FBXW11: variants seen among roughly 807,000 people sequenced by gnomAD.
The protein encoded by FBXW11 is F-box and WD repeat domain containing 11.
FBXW11 carries 19 observed loss-of-function variants against 77.6 expected under a neutral mutation model. The ratio of observed to expected loss-of-function variants is 0.24; its 90% confidence interval spans 0.17 to 0.36. The LOEUF (loss-of-function observed/expected upper bound fraction) is 0.36, where lower values mean the gene tolerates loss of function less well. Among genes scored for constraint, FBXW11 ranks in the 10% least tolerant of loss-of-function variants. The pLI, the probability that FBXW11 is intolerant of heterozygous loss-of-function variation, is 1.00. For missense variants in FBXW11, 334 were observed against 704.2 expected (o/e 0.47, Z 5.95); for synonymous variants, 235 against 249.4 (o/e 0.94, Z 0.54).
chr5:171,968,444 C>A (rs1383312352), intron 1 of FBXW11, among the ~76,000 whole-genome samples: 1 of 128,728 alleles, frequency 7.8e-6, no homozygotes, highest in African/African-American at 2.8e-5. Context: ...GCGAAAGAGC[C>A]AGACTCTGTC....
At chr5:171,919,387 A>C (rs914712174) in intron 2 of FBXW11, among the ~76,000 whole-genome samples, 1 of 152,200 alleles carries the variant, frequency 6.6e-6, no homozygotes, top group African/African-American at 2.4e-5. Flanking sequence ...CACTGATGGT[A>C]TCATGACAGA....
chr5:171,973,800 C>A lies in FBXW11; in HGVS notation c.46-16102G>T, dbSNP rs531804253. ...GATTGAGAATTCTGTACAACCTACT[C>A]AATTTTTCTGTAAGTTTCTGTAAAT... is the stretch of plus-strand genomic sequence containing the variant. On this transcript the variant is annotated intron_variant, in intron 1 of 13. Transcript: ENST00000517395. Among the ~76,000 whole-genome samples the A allele has an allele frequency of 8.7e-4, 133 of 152,234 alleles. 4 individuals are homozygous for A. In the South Asian group the frequency reaches 0.026, roughly 30 times the overall value.
At chr5:171,957,315 C>T (rs542885958) in intron 2 of FBXW11, among the ~76,000 whole-genome samples, 4 of 152,032 alleles carry the variant, frequency 2.6e-5, no homozygotes, top group South Asian at 4.2e-4. Context: ...TTGGCACATG[C>T]GCAACTATTA....
chr5:171,964,995 T>C (rs555995555), intron 1 of FBXW11, among the ~76,000 whole-genome samples: 2 of 152,120 alleles, frequency 1.3e-5, no homozygotes, highest in African/African-American at 4.8e-5. Context: ...GGCTGGGATA[T>C]ATGTTAAGGG....
chr5:171,878,944 T>C (rs1412992096), intron 7 of FBXW11, among the ~76,000 whole-genome samples: 1 of 152,152 alleles, frequency 6.6e-6, no homozygotes, highest in Non-Finnish European at 1.5e-5. Context: ...CAGCATTTCA[T>C]AAAAGTCTCA....
chr5:171,977,775 G>A (rs903571315), intron 1 of FBXW11: 9 of 340,682 alleles, frequency 2.6e-5, no homozygotes, highest in Admixed American at 7.6e-5. Flanking sequence ...ATCAGATCTC[G>A]TGAGACTTAT....
intron 2 of FBXW11, among the ~76,000 whole-genome samples, chr5:171,949,146 A>C (rs1389529080): frequency 6.6e-6 from 1 of 152,226 alleles, no homozygotes; most frequent in African/African-American, 2.4e-5. Context: ...AAACTAGTAC[A>C]ACATATAAAA....
intron 4 of FBXW11, 46 bp downstream of exon 4, chr5:171,910,526 G>A (rs750589172): frequency 1.2e-5 from 17 of 1,400,036 alleles, no homozygotes; most frequent in South Asian, 6.2e-5. Flanking sequence ...TCCTTGGGCC[G>A]GGCATTCTTC....
chr5:171,963,189 ACACAC>A (rs1763998437), intron 1 of FBXW11, among the ~76,000 whole-genome samples: 1 of 13,756 alleles, frequency 7.3e-5, no homozygotes, highest in Admixed American at 3.5e-3. Context: ...ATACACATAC[ACACAC>A]ACACACACAC....
chr5:171,930,441 A>C (rs901038815), intron 2 of FBXW11, among the ~76,000 whole-genome samples: 3 of 152,230 alleles, frequency 2.0e-5, no homozygotes, highest in African/African-American at 7.2e-5. Context: ...TAAGACAAGG[A>C]AAGGAAATAA....
chr5:171,961,947 G>T (rs575876141), intron 1 of FBXW11, among the ~76,000 whole-genome samples: 1 of 152,070 alleles, frequency 6.6e-6, no homozygotes, highest in Admixed American at 6.6e-5. Context: ...GCTCCTGGCC[G>T]TAAGTGATTC....
chr5:171,878,065 C>G lies in FBXW11; in HGVS notation c.917G>C (p.Cys306Ser). ...VLTGHTGSVL[C>S]LQYDERVIVT... ...AATGACACGCTCATCATACTGCAGACAGAGGACAGAGCCTGTGTGTCCTGT... is the reference window on the plus strand; with the variant it reads ...AATGACACGCTCATCATACTGCAGAGAGAGGACAGAGCCTGTGTGTCCTGT... Residue 306 changes from cysteine (C) to serine (S), a missense_variant, in exon 8 of 14, where the codon TGT (cysteine) becomes TCT (serine). Cys to Ser is a moderately radical substitution (Grantham distance 112). Coordinates refer to ENST00000517395, the MANE Select transcript of FBXW11 (RefSeq NM_001378974.1). The G allele has an allele frequency of 1.2e-6, 2 of 1,614,126 alleles. No individual in the cohort carries two copies. Among genetic ancestry groups the G allele is most frequent in the Non-Finnish European group, 1.7e-6 (2 of 1,179,986 alleles).
chr5:171,883,550 A>T (rs1386397591), intron 7 of FBXW11, among the ~76,000 whole-genome samples: 1 of 152,186 alleles, frequency 6.6e-6, no homozygotes, highest in African/African-American at 2.4e-5. Flanking sequence ...AGAAAAAGAA[A>T]TCTCCACATT....
At chr5:172,006,082 G>C (rs1766742960) in intron 1 of FBXW11, among the ~76,000 whole-genome samples, 1 of 152,124 alleles carries the variant, frequency 6.6e-6, no homozygotes, top group African/African-American at 2.4e-5. Context: ...TGCAAGCGCG[G>C]TGCGGGCCTG....
intron 13 of FBXW11, among the ~76,000 whole-genome samples, chr5:171,866,046 A>G (rs558366750): frequency 6.6e-5 from 10 of 152,232 alleles, no homozygotes; most frequent in African/African-American, 2.2e-4. Flanking sequence ...GGGCAGATCA[A>G]TTGAGGTCAG....
chr5:171,970,586 T>A (rs564951961), intron 1 of FBXW11, among the ~76,000 whole-genome samples: 40 of 152,358 alleles, frequency 2.6e-4, no homozygotes, highest in African/African-American at 9.6e-4. Context: ...ACATTTATTT[T>A]CAAAGACTTA....
chr5:171,899,247 T>C (rs966866757), intron 5 of FBXW11, among the ~76,000 whole-genome samples, 153 bp from the exon 6 acceptor site: 8 of 152,196 alleles, frequency 5.3e-5, no homozygotes, highest in African/African-American at 1.7e-4. Context: ...AATTTACATG[T>C]TACAGACAAG....
chr5:171,993,940 T>C (rs745805464), intron 1 of FBXW11, among the ~76,000 whole-genome samples: 1 of 152,194 alleles, frequency 6.6e-6, no homozygotes, highest in Non-Finnish European at 1.5e-5. Flanking sequence ...AACATTTCAA[T>C]CATTGCAGAA....
Position 171,916,493 on chromosome 5 carries a change from A to C in FBXW11, c.148-2088T>G. ...GGAAGGCAGTGTGTCCAAGAGTCCAAAACAGGACTGGAGTGGTGAAAGCAG... is the reference window on the plus strand; with the variant it reads ...GGAAGGCAGTGTGTCCAAGAGTCCACAACAGGACTGGAGTGGTGAAAGCAG... On this transcript the variant is annotated intron_variant, in intron 2 of 13. Coordinates refer to ENST00000517395, the MANE Select transcript of FBXW11 (RefSeq NM_001378974.1). The C allele has an allele frequency of 3.0e-6, 3 of 984,798 alleles. No individual in the cohort carries two copies. The African/African-American group carries it at 5.2e-5, about 17-fold the overall frequency. The allele number at this position is 984,798 out of a possible 1,614,324, so 61.0% of individuals were successfully genotyped here.
Sources: allele counts gnomAD v4.1 joint callset (sites outside exome capture counted in the v4.1 genomes callset), GRCh38; gene constraint gnomAD v4.1.1; transcripts MANE v1.5; gene names NCBI Gene and HGNC (gene_info 2026-07-23, HGNC 2026-07-21).